FHAD1: variants seen among roughly 807,000 people sequenced by gnomAD.
FHAD1 encodes forkhead-associated domain-containing protein 1.
FHAD1 carries 146 observed loss-of-function variants against 191.3 expected under a neutral mutation model. That is an observed-to-expected ratio of 0.76 (90% CI 0.67 to 0.88). The LOEUF is 0.88. Among genes scored for constraint, FHAD1 ranks in the 40% least tolerant of loss-of-function variants. The pLI, the probability that FHAD1 is intolerant of heterozygous loss-of-function variation, is 0.00. For synonymous variants in FHAD1, 616 were observed against 672.3 expected (o/e 0.92, Z 1.29); for missense variants, 1,635 against 1,785.8 (o/e 0.92, Z 1.52).
At chr1:15,270,983 C>T (rs1423774201) in intron 2 of FHAD1, among the ~76,000 whole-genome samples, 2 of 151,944 alleles carry the variant, frequency 1.3e-5, no homozygotes, top group East Asian at 1.9e-4. Context: ...ACTAAAAATA[C>T]AGAAAATTAG....
At chr1:15,377,968 G>C (rs1700038493) in intron 28 of FHAD1, among the ~76,000 whole-genome samples, 1 of 152,232 alleles carries the variant, frequency 6.6e-6, no homozygotes, top group African/African-American at 2.4e-5. Flanking sequence ...ACAGCAGCCT[G>C]GGTCAGTTAC....
Position 15,329,230 on chromosome 1 carries a change from A to G in FHAD1, c.1711-116A>G. ...AAAACTGAGTCCTCCCAAGGCGGCC[A>G]ATACGTGGCGCTGCCTGCTTCGTGG... On this transcript the variant is annotated intron_variant, in intron 13 of 33. Transcript: ENST00000688493. The surrounding 1 kb of genome is among the most constrained non-coding windows in gnomAD (Gnocchi z 5.0). 1.2e-6 allele frequency: 1 copy of G among 818,922 alleles called. No individual in the cohort carries two copies. The highest frequency in any genetic ancestry group is 1.8e-6 in the Non-Finnish European group (1 of 547,340). The allele number at this position is 818,922 out of a possible 1,614,324, so 50.7% of individuals were successfully genotyped here. A position where few individuals can be genotyped will look rare whatever the true frequency, so the allele number is the denominator to read the frequency against.
chr1:15,302,966 T>G (rs1669294212), intron 6 of FHAD1, among the ~76,000 whole-genome samples: 1 of 152,246 alleles, frequency 6.6e-6, no homozygotes, highest in Non-Finnish European at 1.5e-5. Flanking sequence ...TCCGGGACTA[T>G]AAACTCCACA....
At chr1:15,271,107 C>G (rs981525034) in intron 2 of FHAD1, among the ~76,000 whole-genome samples, 2 of 137,602 alleles carry the variant, frequency 1.5e-5, no homozygotes, top group Non-Finnish European at 1.5e-5. Context: ...CCACTGCACT[C>G]CAGCCTGGGC....
chr1:15,373,276 C>T (rs1031258372), intron 26 of FHAD1, among the ~76,000 whole-genome samples: 3 of 150,980 alleles, frequency 2.0e-5, no homozygotes, highest in Admixed American at 1.3e-4. Context: ...TTTGGGAGGC[C>T]GAGGGAGGCG....
chr1:15,271,620 C>T lies in FHAD1; in HGVS notation c.94-703C>T, dbSNP rs72643624. ...TTAAAAAGCAATGGAAATAACTAATCGCATGGGAAATATTTATTGTACATC... is the reference window on the plus strand; with the variant it reads ...TTAAAAAGCAATGGAAATAACTAATTGCATGGGAAATATTTATTGTACATC... On this transcript the variant is annotated intron_variant, in intron 2 of 33. Transcript: ENST00000688493. 6.9e-4 allele frequency among the ~76,000 whole-genome samples: 104 copies of T among 151,808 alleles called. 1 individual carries two copies. The East Asian group carries it at 9.9e-3, about 14-fold the overall frequency.
chr1:15,299,238 A>C (rs1046570752), intron 5 of FHAD1, among the ~76,000 whole-genome samples: 1 of 151,332 alleles, frequency 6.6e-6, no homozygotes, highest in African/African-American at 2.4e-5. Context: ...AAAAAGAAAG[A>C]AAGAAAGCAT....
rs547245063 is a variant in FHAD1 at position 15,331,931 on chromosome 1, C to T, written c.1906+2390C>T. 4.6e-5 allele frequency among the ~76,000 whole-genome samples: 7 copies of T among 152,010 alleles called. No individual in the cohort carries two copies. The South Asian group carries it at 1.2e-3, about 27-fold the overall frequency. On this transcript the variant is annotated intron_variant, in intron 14 of 33. Transcript: ENST00000688493. ...AGAAGGGAAAGAGCACAGGGCCGCA[C>T]CTTAAGGAACTCCAACATTTTGAAG... is the stretch of plus-strand genomic sequence containing the variant.
chr1:15,270,974 C>A (rs1411987009), intron 2 of FHAD1, among the ~76,000 whole-genome samples: 2 of 151,826 alleles, frequency 1.3e-5, no homozygotes, highest in Non-Finnish European at 2.9e-5. Context: ...CCCGCCTCTA[C>A]TAAAAATACA....
Position 15,397,359 on chromosome 1 carries a change from C to T in FHAD1, c.4386C>T (p.Thr1462=), listed in dbSNP as rs1402232026. The T allele has an allele frequency of 1.3e-6, 2 of 1,546,964 alleles. No individual in the cohort carries two copies. The highest frequency in any genetic ancestry group is 1.7e-6 in the Non-Finnish European group (2 of 1,143,804). ...AAAGAGAGATGCTGAGGAAAGAGAC[C>T]TCCAGCAAGTCCAGCCAGAGCCTTT... ...DQEREMLRKE[T]SSKSSQSLLH... is the part of the protein sequence containing the mutation. The change falls in exon 34 of 34, where the codon ACC becomes ACT. Residue 1462 remains threonine, a synonymous_variant. Transcript: ENST00000688493.
At chr1:15,323,044 T>C (rs886304551) in intron 10 of FHAD1, among the ~76,000 whole-genome samples, 1 of 152,204 alleles carries the variant, frequency 6.6e-6, no homozygotes, top group African/African-American at 2.4e-5. Context: ...GTGAGACTTA[T>C]TCACCATCAG....
intron 20 of FHAD1, among the ~76,000 whole-genome samples, chr1:15,355,700 C>T (rs777197427): frequency 2.3e-4 from 35 of 152,172 alleles, no homozygotes; most frequent in Non-Finnish European, 2.5e-4. Context: ...CCAGTGAGCA[C>T]CTCCATAGGC....
intron 21 of FHAD1, 80 bp from the exon 22 acceptor site, chr1:15,360,398 T>C (rs927735198): frequency 7.9e-7 from 1 of 1,266,990 alleles, no homozygotes; most frequent in South Asian, 1.3e-5. Flanking sequence ...TTAGCACCTA[T>C]GTGTGTGCCC....
At chr1:15,287,532 A>T (rs114176805) in intron 3 of FHAD1, among the ~76,000 whole-genome samples, 144 of 152,278 alleles carry the variant, frequency 9.5e-4, no homozygotes, top group African/African-American at 3.4e-3. Flanking sequence ...ATCAGATCTT[A>T]CAAGAAGTCA....
chr1:15,249,275 A>G (rs1349036778), intron 1 of FHAD1, among the ~76,000 whole-genome samples: 2 of 145,280 alleles, frequency 1.4e-5, no homozygotes, highest in Non-Finnish European at 3.0e-5. Flanking sequence ...CTGTGGAAAC[A>G]TCGGGGGGAA....
At chr1:15,315,786 G>A (rs1405505758) in intron 8 of FHAD1, among the ~76,000 whole-genome samples, 2 of 152,024 alleles carry the variant, frequency 1.3e-5, no homozygotes, top group Admixed American at 6.6e-5. Context: ...GCGCCCAGCC[G>A]GGTATTTCCT....
chr1:15,335,978 A>G (rs771836730), intron 14 of FHAD1, among the ~76,000 whole-genome samples: 3 of 152,074 alleles, frequency 2.0e-5, no homozygotes, highest in Non-Finnish European at 4.4e-5. Flanking sequence ...CAGAGCCTCC[A>G]CAAATCCCTG....
intron 1 of FHAD1, among the ~76,000 whole-genome samples, chr1:15,248,853 G>A (rs182766123): frequency 7.0e-4 from 106 of 152,248 alleles, no homozygotes; most frequent in African/African-American, 2.5e-3. Flanking sequence ...CTCCCAAAGT[G>A]CTAGGATTAC....
chr1:15,366,284 CAAAAA>C (rs35252287), intron 24 of FHAD1, among the ~76,000 whole-genome samples: 3 of 44,466 alleles, frequency 6.7e-5, no homozygotes, highest in Admixed American at 2.6e-4. Context: ...GACTCTGTCT[CAAAAA>C]AAAAAAAAAA....
Sources: gnomAD v4.1 joint callset for allele counts (sites outside exome capture counted in the v4.1 genomes callset) on GRCh38, gnomAD v4.1.1 for gene constraint, Gnocchi (gnomAD v3.1) non-coding constraint, MANE v1.5 for transcripts, NCBI Gene and HGNC (gene_info 2026-07-23, HGNC 2026-07-21) for gene names.